SORCS3: variants seen among roughly 807,000 people sequenced by gnomAD.
The protein encoded by SORCS3 is VPS10 domain-containing receptor SorCS3.
Under a neutral mutation model 146.3 loss-of-function variants are expected in SORCS3, and 57 were observed. That is an observed-to-expected ratio of 0.39 (90% CI 0.31 to 0.49). The LOEUF (loss-of-function observed/expected upper bound fraction) is 0.49. Ranked by LOEUF, SORCS3 falls within the 20% of genes least tolerant of loss-of-function variation. The pLI is 0.92. For synonymous variants in SORCS3, 653 were observed against 618.5 expected (o/e 1.06, Z -0.83); for missense variants, 1,341 against 1,575.5 (o/e 0.85, Z 2.52).
intron 1 of SORCS3, among the ~76,000 whole-genome samples, chr10:104,772,669 G>A (rs575676843): frequency 6.6e-6 from 1 of 152,272 alleles, no homozygotes; most frequent in South Asian, 2.1e-4. Context: ...AAGATGCCAT[G>A]ATCTTTGCCA....
chr10:104,660,707 G>C (rs2015690164), intron 1 of SORCS3, among the ~76,000 whole-genome samples: 1 of 152,200 alleles, frequency 6.6e-6, no homozygotes, highest in Admixed American at 6.5e-5. Flanking sequence ...TTTAGGGATG[G>C]TGACTCTTGA....
In SORCS3 at chr10:105,223,259, T is replaced by G; in HGVS notation, c.2868+10T>G. 3.1e-6 allele frequency: 5 copies of G among 1,601,434 alleles called. No individual in the cohort carries two copies. Among genetic ancestry groups the G allele is most frequent in the Non-Finnish European group, 4.3e-6 (5 of 1,171,958 alleles). On this transcript the variant is annotated intron_variant, in intron 20 of 26. Coordinates refer to ENST00000369701, the MANE Select transcript of SORCS3 (RefSeq NM_014978.3). ...CGGCAATAGCACAAAGGTTTGGCCC[T>G]TTCTGATTGATGTCAAATTAGATCT...
rs2017829690 is a variant in SORCS3, at chr10:104,818,360, T to TCTTCCTTCCTTTCTTCCTTCCTTC, written c.628-24421_628-24420insTCTTCCTTCCTTCCTTCCTTCCTT. On this transcript the variant is annotated intron_variant, in intron 1 of 26. Transcript: ENST00000369701. ...TTTCTTCTCTTTCTTTCTTCTCCTT[T>TCTTCCTTCCTTTCTTCCTTCCTTC]CTTCCTTCCTTCCTTCCTTCCTTCC... Among the ~76,000 whole-genome samples the TCTTCCTTCCTTTCTTCCTTCCTTC allele has an allele frequency of 5.0e-5, 7 of 139,830 alleles. No homozygotes were observed. In the South Asian group the frequency reaches 1.5e-3, roughly 30 times the overall value. 91.7% of individuals were successfully genotyped at this position (139,830 alleles called of 152,430 possible).
chr10:105,036,327 C>T (rs1298035214), intron 4 of SORCS3, among the ~76,000 whole-genome samples: 3 of 152,184 alleles, frequency 2.0e-5, no homozygotes, highest in Non-Finnish European at 4.4e-5. Context: ...GCACGAGCCT[C>T]ACTGTGCTGC....
chr10:105,000,732 T>TTATA (rs2055056039), intron 4 of SORCS3, among the ~76,000 whole-genome samples: 2 of 152,160 alleles, frequency 1.3e-5, no homozygotes, highest in Admixed American at 6.6e-5. Context: ...TGCTGCATGC[T>TTATA]CAGATAGTGG....
chr10:104,667,495 C>A (rs1752634060), intron 1 of SORCS3, among the ~76,000 whole-genome samples: 1 of 152,188 alleles, frequency 6.6e-6, no homozygotes, highest in Non-Finnish European at 1.5e-5. Context: ...GGATCAGGCT[C>A]TAGCCTGATC....
intron 1 of SORCS3, chr10:104,665,265 A>G (rs2015758503): frequency 6.6e-6 from 1 of 152,254 alleles, no homozygotes; most frequent in Non-Finnish European, 1.5e-5. Flanking sequence ...ATAAAAGTAC[A>G]CATGCACTGC....
intron 20 of SORCS3, among the ~76,000 whole-genome samples, chr10:105,239,101 T>A (rs976760616): frequency 1.3e-5 from 2 of 152,220 alleles, no homozygotes; most frequent in African/African-American, 4.8e-5. Flanking sequence ...TTTGGTTCCA[T>A]CTTATATCAC....
intron 7 of SORCS3, among the ~76,000 whole-genome samples, chr10:105,121,350 T>C (rs1300282385): frequency 6.6e-6 from 1 of 152,178 alleles, no homozygotes; most frequent in Non-Finnish European, 1.5e-5. Flanking sequence ...ACAGATATTA[T>C]CTTTATTTTT....
chr10:104,846,929 C>T (rs2018212911), intron 2 of SORCS3, among the ~76,000 whole-genome samples: 1 of 152,180 alleles, frequency 6.6e-6, no homozygotes. Flanking sequence ...TCTGAGCCTC[C>T]TTCCACAGTG....
At chr10:104,995,360 A>G (rs2055020031) in intron 4 of SORCS3, among the ~76,000 whole-genome samples, 1 of 152,100 alleles carries the variant, frequency 6.6e-6, no homozygotes, top group African/African-American at 2.4e-5. Context: ...GAGTTTCACC[A>G]TGTTGGTCAG....
At chr10:104,931,142 T>C (rs2019202578) in intron 3 of SORCS3, among the ~76,000 whole-genome samples, 1 of 152,166 alleles carries the variant, frequency 6.6e-6, no homozygotes, top group African/African-American at 2.4e-5. Flanking sequence ...TTTAAAGCTC[T>C]CATTAAATTG....
At chr10:104,867,082 C>T (rs915669775) in intron 2 of SORCS3, among the ~76,000 whole-genome samples, 5 of 152,084 alleles carry the variant, frequency 3.3e-5, no homozygotes, top group African/African-American at 7.2e-5. Context: ...TCTCTGCTCT[C>T]GTGGAGTGGA....
In SORCS3 at chr10:105,173,105, C is replaced by G. The variant is rs185430679; in HGVS notation, c.1902-4961C>G. On this transcript the variant is annotated intron_variant, in intron 13 of 26. Coordinates refer to ENST00000369701, the MANE Select transcript of SORCS3 (RefSeq NM_014978.3). ...TTAACAATATTACAGTATGGAAGTC[C>G]AAAAAGCATCAATCTTGACATGGAC... Among the ~76,000 whole-genome samples, 5 of 151,988 alleles carry G rather than the reference C, an allele frequency of 3.3e-5. No individual in the cohort carries two copies. In the East Asian group the frequency reaches 9.7e-4, roughly 29 times the overall value.
At chr10:105,258,580 T>C (rs2056943728) in intron 25 of SORCS3, among the ~76,000 whole-genome samples, 1 of 152,164 alleles carries the variant, frequency 6.6e-6, no homozygotes, top group South Asian at 2.1e-4. Context: ...GTCAGGTGGA[T>C]CCAAAGTAAG....
chr10:104,766,627 C>G (rs986260530), intron 1 of SORCS3, among the ~76,000 whole-genome samples: 13 of 152,204 alleles, frequency 8.5e-5, no homozygotes, highest in African/African-American at 3.1e-4. Context: ...AGGATGCTGT[C>G]CTCCTTCACA....
chr10:104,974,182 G>T (rs1361784697), intron 3 of SORCS3, among the ~76,000 whole-genome samples: 4 of 152,314 alleles, frequency 2.6e-5, no homozygotes, highest in African/African-American at 9.6e-5. Context: ...TTGATTTGGG[G>T]TGGAGAGTTC....
At chr10:105,018,576 G>A (rs1320437165) in intron 4 of SORCS3, among the ~76,000 whole-genome samples, 1 of 152,126 alleles carries the variant, frequency 6.6e-6, no homozygotes, top group Non-Finnish European at 1.5e-5. Context: ...GTAGAAATGT[G>A]GATTTGACAT....
intron 1 of SORCS3, among the ~76,000 whole-genome samples, chr10:104,741,134 A>ATT (rs34447542): frequency 0.064 from 6,711 of 104,734 alleles, 271 homozygotes; most frequent in South Asian, 0.085. Context: ...GATAATTTAA[A>ATT]TTTTTTTTTT....
Sources: allele counts gnomAD v4.1 joint callset (sites outside exome capture counted in the v4.1 genomes callset), GRCh38; gene constraint gnomAD v4.1.1; transcripts MANE v1.5; gene names NCBI Gene and HGNC (gene_info 2026-07-23, HGNC 2026-07-21).